The following AIG1 variants were observed in gnomAD, a reference collection of about 807,000 sequenced individuals.
AIG1 encodes androgen-induced gene 1 protein.
AIG1 carries 23 observed loss-of-function variants against 31.4 expected under a neutral mutation model. That is an observed-to-expected ratio of 0.73 (90% CI 0.53 to 1.04). The LOEUF is 1.04. Ranked by LOEUF, AIG1 falls within the 50% of genes least tolerant of loss-of-function variation. AIG1 has a pLI of 0.00. For missense variants in AIG1, 274 were observed against 295.0 expected (o/e 0.93, Z 0.52); for synonymous variants, 100 against 110.5 (o/e 0.90, Z 0.60).
At chr6:143,253,002 C>T (rs1795121992) in intron 3 of AIG1, among the ~76,000 whole-genome samples, 1 of 152,212 alleles carries the variant, frequency 6.6e-6, no homozygotes. Flanking sequence ...CCCCACATGG[C>T]TGTTTGCTTC....
intron 1 of AIG1, among the ~76,000 whole-genome samples, chr6:143,080,250 G>T (rs1778104721): frequency 6.6e-6 from 1 of 152,040 alleles, no homozygotes; most frequent in Non-Finnish European, 1.5e-5. Context: ...CCTTGGGAGG[G>T]GTGCCTTCAA....
intron 4 of AIG1, among the ~76,000 whole-genome samples, chr6:143,301,442 C>T (rs1370640639): frequency 2.0e-5 from 3 of 152,182 alleles, no homozygotes; most frequent in Admixed American, 6.6e-5. Context: ...GCAGCTTACA[C>T]GTGGTGTTGG....
intron 3 of AIG1, among the ~76,000 whole-genome samples, chr6:143,269,945 CTATT>C (rs1796396382): frequency 6.6e-6 from 1 of 152,138 alleles, no homozygotes; most frequent in Non-Finnish European, 1.5e-5. Flanking sequence ...TGGACACTCA[CTATT>C]TGTGCACTTT....
Position 143,331,693 on chromosome 6 carries a change from C to T in AIG1, c.516-1589C>T, listed in dbSNP as rs1279696563. Among the ~76,000 whole-genome samples the T allele has an allele frequency of 6.6e-6, 1 of 151,542 alleles. No individual in the cohort carries two copies. On this transcript the variant is annotated intron_variant, in intron 4 of 5. Coordinates refer to ENST00000357847, the MANE Select transcript of AIG1 (RefSeq NM_016108.4). The surrounding 1 kb of genome is among the most constrained non-coding windows in gnomAD (Gnocchi z 4.1). ...GTGTGTGTGTGTGTATCTGTGCTTT[C>T]TACATAAAAAGTGCAAAATTGTTTT...
At chr6:143,342,555 T>C (rs933113736), downstream of AIG1, 8 of 881,674 alleles carry the variant, frequency 9.1e-6, no homozygotes, top group East Asian at 2.4e-5. Flanking sequence ...ACCTTTATTT[T>C]TTTACTGTTG....
In AIG1 at chr6:143,196,350, A is replaced by AACACACGCAC. The variant is rs1031872426; in HGVS notation, c.399+31173_399+31174insGCACACACAC. Among the ~76,000 whole-genome samples, 620 of 141,718 alleles carry AACACACGCAC rather than the reference A, an allele frequency of 4.4e-3. 4 individuals carry two copies. Among genetic ancestry groups the AACACACGCAC allele is most frequent in the African/African-American group, 0.015 (587 of 38,086 alleles). 93.0% of individuals were successfully genotyped at this position (141,718 alleles called of 152,430 possible). On this transcript the variant is annotated intron_variant, in intron 3 of 5. Coordinates refer to ENST00000357847, the MANE Select transcript of AIG1 (RefSeq NM_016108.4). ...TCAGCACATCAAAAGCAACAAAAGCAACACACACACACACACACACACACA... is the reference window on the plus strand; with the variant it reads ...TCAGCACATCAAAAGCAACAAAAGCAACACACGCACACACACACACACACACACACACACA...
At chr6:143,103,501 C>CTTTTT (rs1173435325) in intron 1 of AIG1, among the ~76,000 whole-genome samples, 71 of 84,198 alleles carry the variant, frequency 8.4e-4, no homozygotes, top group East Asian at 1.2e-3. Flanking sequence ...CAGAAGTTTT[C>CTTTTT]TTTTTTTTTT....
At chr6:143,315,108 T>C (rs190496152) in intron 4 of AIG1, among the ~76,000 whole-genome samples, 7 of 152,222 alleles carry the variant, frequency 4.6e-5, no homozygotes, top group African/African-American at 1.7e-4. Flanking sequence ...AACAGAATGC[T>C]ATAAATAGAA....
At position 143,258,473 on chromosome 6, in the gene AIG1, A is replaced by C. The variant is rs913296880; in HGVS notation, c.400-25637A>C. ...AGAGCAATATCTTCCATTCTTACCC[A>C]TATCCTTTTGCAAAACTCACAAAAT... is the stretch of plus-strand genomic sequence containing the variant. On this transcript the variant is annotated intron_variant, in intron 3 of 5. Transcript: ENST00000357847. The surrounding 1 kb of genome is among the most constrained non-coding windows in gnomAD (Gnocchi z 4.7). 6.6e-6 allele frequency among the ~76,000 whole-genome samples: 1 copy of C among 152,186 alleles called. No homozygotes were observed. Among genetic ancestry groups the C allele is most frequent in the Non-Finnish European group, 1.5e-5 (1 of 68,020 alleles).
At chr6:143,337,313 G>A (rs79371182) in intron 5 of AIG1, among the ~76,000 whole-genome samples, 2 of 152,276 alleles carry the variant, frequency 1.3e-5, no homozygotes, top group East Asian at 3.9e-4. Context: ...GCACTCCGCG[G>A]ATCTTTTTCA....
At chr6:143,151,612 C>T (rs1785233398) in intron 2 of AIG1, among the ~76,000 whole-genome samples, 2 of 152,118 alleles carry the variant, frequency 1.3e-5, no homozygotes, top group Admixed American at 1.3e-4. Flanking sequence ...ATTCTTGTAG[C>T]CCAGGACACT....
intron 1 of AIG1, among the ~76,000 whole-genome samples, chr6:143,095,848 T>G (rs1002779323): frequency 6.6e-6 from 1 of 151,486 alleles, no homozygotes; most frequent in Non-Finnish European, 1.5e-5. Flanking sequence ...ATTTGCAGAC[T>G]ATTGGTCAAA....
intron 5 of AIG1, chr6:143,335,180 C>G: frequency 7.7e-7 from 1 of 1,296,156 alleles, no homozygotes; most frequent in Non-Finnish European, 9.9e-7. Context: ...CAACTTCTAC[C>G]TATCAAGTTC....
intron 2 of AIG1, among the ~76,000 whole-genome samples, chr6:143,139,967 G>T (rs1784111210): frequency 2.6e-5 from 4 of 152,114 alleles, no homozygotes; most frequent in Admixed American, 2.6e-4. Context: ...GTATTTGTCT[G>T]TTCTCAGACT....
chr6:143,264,162 C>T (rs557000717), intron 3 of AIG1, among the ~76,000 whole-genome samples: 5 of 152,110 alleles, frequency 3.3e-5, no homozygotes, highest in African/African-American at 1.2e-4. Context: ...TTCGTATGAG[C>T]GCGTATATGC....
rs192581730 is a variant in AIG1 at position 143,211,548 on chromosome 6, A to T, written c.399+46365A>T. Among the ~76,000 whole-genome samples, 262 of 152,322 alleles carry T rather than the reference A, an allele frequency of 1.7e-3. 1 individual carries two copies. The highest frequency in any genetic ancestry group is 5.8e-3 in the African/African-American group (242 of 41,568). ...TATCCCATAAGTCCTTCATATGTGAACATTAGGTTAAGTGGAGATTGATGA... is the reference window on the plus strand; with the variant it reads ...TATCCCATAAGTCCTTCATATGTGATCATTAGGTTAAGTGGAGATTGATGA... On this transcript the variant is annotated intron_variant, in intron 3 of 5. Coordinates refer to ENST00000357847, the MANE Select transcript of AIG1 (RefSeq NM_016108.4).
intron 3 of AIG1, among the ~76,000 whole-genome samples, chr6:143,181,410 A>G (rs1318379996): frequency 6.6e-6 from 1 of 152,218 alleles, no homozygotes; most frequent in Non-Finnish European, 1.5e-5. Flanking sequence ...ATTCCTGTAC[A>G]TAAGCTTTTT....
At chr6:143,154,831 T>C (rs1245380207) in intron 2 of AIG1, among the ~76,000 whole-genome samples, 1 of 152,134 alleles carries the variant, frequency 6.6e-6, no homozygotes, top group African/African-American at 2.4e-5. Flanking sequence ...TGAGGGCTTT[T>C]TTGTTTTGTT....
intron 1 of AIG1, among the ~76,000 whole-genome samples, chr6:143,064,003 A>G (rs1281441180): frequency 6.6e-6 from 1 of 152,322 alleles, no homozygotes; most frequent in Non-Finnish European, 1.5e-5. Context: ...TTTTCCTAGT[A>G]TTGAGAAACT....
Sources: allele counts gnomAD v4.1 joint callset (sites outside exome capture counted in the v4.1 genomes callset), GRCh38; gene constraint gnomAD v4.1.1; non-coding constraint Gnocchi (gnomAD v3.1); transcripts MANE v1.5; gene names NCBI Gene and HGNC (gene_info 2026-07-23, HGNC 2026-07-21).